Variants in DYRK1A observed in about 807,000 individuals in gnomAD.
DYRK1A encodes dual specificity tyrosine phosphorylation regulated kinase 1A.
A neutral mutation model predicts 79.7 loss-of-function variants in DYRK1A; 9 were observed. That is an observed-to-expected ratio of 0.11 (90% CI 0.07 to 0.20). DYRK1A has a LOEUF of 0.20. Ranked by LOEUF, DYRK1A falls within the 10% of genes least tolerant of loss-of-function variation. The pLI is 1.00. For missense variants in DYRK1A, 622 were observed against 956.0 expected, an observed-to-expected ratio of 0.65 and a Z score of 4.61; for synonymous variants, 349 against 329.7, an observed-to-expected ratio of 1.06 and a Z score of -0.63.
At chr21:37,383,501 G>C (rs759272724) in intron 1 of DYRK1A, among the ~76,000 whole-genome samples, 11 of 152,212 alleles carry the variant, frequency 7.2e-5, no homozygotes, top group Non-Finnish European at 1.2e-4. Context: ...TGCTAATTAA[G>C]ACAATAGATA....
chr21:37,493,936 T>C (rs969002826), intron 8 of DYRK1A, among the ~76,000 whole-genome samples: 1,488 of 141,706 alleles, frequency 0.011, 25 homozygotes, highest in African/African-American at 0.037. Context: ...AATTCTTCTT[T>C]TTTTTTTTTT....
chr21:37,393,908 G>A (rs567521243), intron 1 of DYRK1A, among the ~76,000 whole-genome samples: 3 of 152,200 alleles, frequency 2.0e-5, no homozygotes, highest in Admixed American at 6.5e-5. Context: ...CCACAAGTGC[G>A]CAAAGTTGAG....
At chr21:37,376,347 A>G (rs1203869240) in intron 1 of DYRK1A, among the ~76,000 whole-genome samples, 1 of 152,094 alleles carries the variant, frequency 6.6e-6, no homozygotes, top group Non-Finnish European at 1.5e-5. Flanking sequence ...CATCTCTACT[A>G]CAGATACAGA....
At chr21:37,443,278 G>T (rs549265233) in intron 2 of DYRK1A, among the ~76,000 whole-genome samples, 49 of 152,194 alleles carry the variant, frequency 3.2e-4, no homozygotes, top group African/African-American at 1.1e-3. Context: ...CCAAAGCACT[G>T]GGATTACAGA....
intron 1 of DYRK1A, among the ~76,000 whole-genome samples, chr21:37,388,564 A>G (rs1158331255): frequency 1.3e-5 from 2 of 152,066 alleles, no homozygotes; most frequent in Non-Finnish European, 2.9e-5. Flanking sequence ...TGCCTCATCA[A>G]TATTTTTTTT....
At position 37,480,770 on chromosome 21, in the gene DYRK1A, A is replaced by G. The variant is rs1188188173; in HGVS notation, c.433A>G (p.Lys145Glu). ...TGATTATATTGTAAAAAACGGAGAA[A>G]AGTGGATGGATCGTTACGAAATTGA... ...NYDYIVKNGE[K>E]WMDRYEIDSL... The change falls in exon 5 of 12, where the codon AAG becomes GAG. Residue 145 changes from lysine (K) to glutamate (E), a missense_variant. Transcript: ENST00000647188. 6.2e-7 allele frequency: 1 copy of G among 1,611,786 alleles called. No homozygotes were observed. The highest frequency in any genetic ancestry group is 8.5e-7 in the Non-Finnish European group (1 of 1,179,078).
chr21:37,412,553 C>T (rs1381913628), intron 1 of DYRK1A, among the ~76,000 whole-genome samples: 2 of 152,026 alleles, frequency 1.3e-5, no homozygotes, highest in Admixed American at 1.3e-4. Flanking sequence ...ATGACATAAC[C>T]ATCAGGCCTA....
At chr21:37,448,766 G>A (rs1212636778) in intron 2 of DYRK1A, among the ~76,000 whole-genome samples, 2 of 152,098 alleles carry the variant, frequency 1.3e-5, no homozygotes, top group Non-Finnish European at 2.9e-5. Context: ...GCACAATTAC[G>A]GAGCACTGCA....
chr21:37,406,177 CTT>C (rs2050142280), intron 1 of DYRK1A, among the ~76,000 whole-genome samples: 2 of 152,142 alleles, frequency 1.3e-5, no homozygotes, highest in Non-Finnish European at 2.9e-5. Context: ...GAAACACTAA[CTT>C]ATCTCTGGCA....
chr21:37,403,663 ATGTGTGTGTGTGTGTGTG>A lies in DYRK1A; in HGVS notation c.-76-16616_-76-16599del, dbSNP rs761056038. 6.0e-3 allele frequency among the ~76,000 whole-genome samples: 725 copies of A among 121,542 alleles called. 10 individuals are homozygous for A. Among genetic ancestry groups the A allele is most frequent in the Non-Finnish European group, 0.01 (597 of 58,010 alleles). The allele number at this position is 121,542 out of a possible 152,430, so 79.7% of individuals were successfully genotyped here. On this transcript the variant is annotated intron_variant, in intron 1 of 11. Transcript: ENST00000647188. ...AAAAAAAAAAAATATATATATATAT[ATGTGTGTGTGTGTGTGTG>A]TGTGTGTGTGTGTGTGTGTTCACCA...
intron 2 of DYRK1A, among the ~76,000 whole-genome samples, chr21:37,454,928 G>A (rs1043773587): frequency 6.6e-6 from 1 of 151,692 alleles, no homozygotes; most frequent in African/African-American, 2.4e-5. Flanking sequence ...TTTTGGGACA[G>A]CTTTATATTC....
Position 37,515,917 on chromosome 21 carries a change from A to G in DYRK1A, c.*3386A>G, listed in dbSNP as rs1032931493. 3 of 152,066 alleles carry G rather than the reference A, an allele frequency of 2.0e-5. No homozygotes were observed. The highest frequency in any genetic ancestry group is 4.4e-5 in the Non-Finnish European group (3 of 68,020). The allele number at this position is 152,066 out of a possible 1,614,324, so 9.4% of individuals were successfully genotyped here. A position where few individuals can be genotyped will look rare whatever the true frequency, so the allele number is the denominator to read the frequency against. On this transcript the variant is annotated 3_prime_UTR_variant, in exon 12 of 12. Transcript: ENST00000647188. ...AATTATGTTAGGCTCACAAGTGACC[A>G]TTGAGTTTGCCCCTGTACTGCTTCC...
intron 1 of DYRK1A, among the ~76,000 whole-genome samples, chr21:37,412,650 A>G (rs1174821792): frequency 6.6e-6 from 1 of 152,242 alleles, no homozygotes; most frequent in Non-Finnish European, 1.5e-5. Context: ...ATGGAGAGGA[A>G]TGGAAAGGCA....
intron 2 of DYRK1A, among the ~76,000 whole-genome samples, chr21:37,441,031 T>C (rs2051086982): frequency 6.6e-6 from 1 of 151,754 alleles, no homozygotes; most frequent in Admixed American, 6.6e-5. Context: ...TGTCTATCGT[T>C]GTAGTTTTAT....
chr21:37,469,606 A>G (rs562008590), intron 2 of DYRK1A, among the ~76,000 whole-genome samples: 1 of 152,276 alleles, frequency 6.6e-6, no homozygotes, highest in Admixed American at 6.5e-5. Flanking sequence ...ACTTTCAATC[A>G]TGGCAGAAGG....
chr21:37,420,829 T>G (rs1170852937), intron 2 of DYRK1A, among the ~76,000 whole-genome samples: 2 of 152,110 alleles, frequency 1.3e-5, no homozygotes, highest in African/African-American at 4.8e-5. Context: ...AAAGATATGC[T>G]CTGGGATTTT....
intron 2 of DYRK1A, among the ~76,000 whole-genome samples, chr21:37,426,658 C>G (rs56318401): frequency 1.3e-5 from 2 of 151,864 alleles, no homozygotes; most frequent in Non-Finnish European, 2.9e-5. Context: ...CGCCTGTAAT[C>G]TCAGCACTTT....
Position 37,392,312 on chromosome 21 carries a change from A to C in DYRK1A, c.-77+24684A>C, listed in dbSNP as rs142217905. On this transcript the variant is annotated intron_variant, in intron 1 of 11. Transcript: ENST00000647188. Reference sequence around the variant, plus strand: ...CTTTCCTAGAAGGAGGCAGGGGAGAAGTGGAAAGAATAGCTCCATCTTTTG... The same window carrying C: ...CTTTCCTAGAAGGAGGCAGGGGAGACGTGGAAAGAATAGCTCCATCTTTTG... Among the ~76,000 whole-genome samples the C allele has an allele frequency of 6.6e-5, 10 of 152,330 alleles. No individual in the cohort carries two copies. In the East Asian group the frequency reaches 1.9e-3, roughly 29 times the overall value.
At chr21:37,497,592 C>G (rs952293472) in intron 9 of DYRK1A, among the ~76,000 whole-genome samples, 3 of 152,180 alleles carry the variant, frequency 2.0e-5, no homozygotes, top group African/African-American at 7.2e-5. Flanking sequence ...TGTTGTCTCT[C>G]TCTGTGATAC....
Sources: allele counts gnomAD v4.1 joint callset (sites outside exome capture counted in the v4.1 genomes callset), GRCh38; gene constraint gnomAD v4.1.1; transcripts MANE v1.5; gene names NCBI Gene and HGNC (gene_info 2026-07-23, HGNC 2026-07-21).